The following C4BPA variants were observed in gnomAD, a reference collection of about 807,000 sequenced individuals.
The protein encoded by C4BPA is C4b-binding protein alpha chain.
Under a neutral mutation model 63.7 loss-of-function variants are expected in C4BPA, and 31 were observed. That is an observed-to-expected ratio of 0.49 (90% CI 0.37 to 0.66). The LOEUF (loss-of-function observed/expected upper bound fraction) is 0.66. Ranked by LOEUF, C4BPA falls within the 30% of genes least tolerant of loss-of-function variation. The pLI, the probability that C4BPA is intolerant of heterozygous loss-of-function variation, is 0.00. For missense variants in C4BPA, 572 were observed against 723.3 expected (o/e 0.79, Z 2.40); for synonymous variants, 259 against 254.7 (o/e 1.02, Z -0.16).
chr1:207,140,111 G>T lies in C4BPA; in HGVS notation c.1274-995G>T, dbSNP rs1238093709. On this transcript the variant is annotated intron_variant, in intron 9 of 11. Transcript: ENST00000367070. ...TGGTTGCATTTATTTAGCTTCTGAG[G>T]CATATGAGCAGCTTTCTGACTGCTA... is the stretch of plus-strand genomic sequence containing the variant. Among the ~76,000 whole-genome samples the T allele has an allele frequency of 2.0e-5, 3 of 152,098 alleles. No homozygotes were observed. In the South Asian group the frequency reaches 6.2e-4, roughly 31 times the overall value.
In C4BPA at chr1:207,126,759, T is replaced by C. The variant is rs997374620; in HGVS notation, c.753T>C (p.Ser251=). Residue 251 remains serine (S), a synonymous_variant, in exon 7 of 12, where the codon TCT becomes TCC. Coordinates refer to ENST00000367070, the MANE Select transcript of C4BPA (RefSeq NM_000715.4). ...KPDVSHGEMV[S]GFGPIYNYKD... ...ATGTTTCACATGGGGAAATGGTCTC[T>C]GGATTTGGACCCATCTATAATTACA... 4 of 1,611,620 alleles carry C rather than the reference T, an allele frequency of 2.5e-6. No individual in the cohort carries two copies. In the African/African-American group the frequency reaches 5.3e-5, roughly 22 times the overall value.
chr1:207,141,932 T>C (rs1685424130), intron 10 of C4BPA, among the ~76,000 whole-genome samples: 1 of 152,204 alleles, frequency 6.6e-6, no homozygotes, highest in African/African-American at 2.4e-5. Flanking sequence ...AAATTTTTTT[T>C]ATTATACTTT....
At chr1:207,113,193 T>A (rs1345551222) in intron 2 of C4BPA, 26 bp downstream of exon 2, 1 of 1,600,220 alleles carries the variant, frequency 6.2e-7, no homozygotes, top group East Asian at 2.3e-5. Context: ...CAAGCTCAAA[T>A]CAGCAACAAA....
intron 4 of C4BPA, among the ~76,000 whole-genome samples, chr1:207,118,224 T>TATCTATCTATCTA (rs1553256050): frequency 4.6e-5 from 7 of 151,126 alleles, no homozygotes; most frequent in African/African-American, 1.7e-4. Context: ...TCTATCTATC[T>TATCTATCTATCTA]ATCTATCTAT....
At chr1:207,114,391 A>G (rs1231636420) in intron 3 of C4BPA, 106 bp downstream of exon 3, 5 of 863,216 alleles carry the variant, frequency 5.8e-6, no homozygotes, top group Non-Finnish European at 8.8e-6. Context: ...CAGTTTGTCA[A>G]TTACTGATTT....
chr1:207,142,390 G>C (rs1250425956), intron 10 of C4BPA, among the ~76,000 whole-genome samples: 1 of 152,182 alleles, frequency 6.6e-6, no homozygotes, highest in East Asian at 1.9e-4. Context: ...ACGTGTGCAT[G>C]TGTCTTTATC....
intron 7 of C4BPA, 70 bp from the exon 8 acceptor site, chr1:207,131,476 G>C (rs1443821755): frequency 3.6e-6 from 4 of 1,096,774 alleles, no homozygotes; most frequent in Non-Finnish European, 5.4e-6. Flanking sequence ...GATAGGACAG[G>C]CTTATTGACT....
At chr1:207,120,104 A>G (rs1264133485) in intron 4 of C4BPA, among the ~76,000 whole-genome samples, 1 of 152,114 alleles carries the variant, frequency 6.6e-6, no homozygotes, top group Non-Finnish European at 1.5e-5. Context: ...GTGCAGAAGC[A>G]ATCTAATTTT....
At chr1:207,108,534 G>T (rs79514291) in intron 1 of C4BPA, among the ~76,000 whole-genome samples, 1 of 152,144 alleles carries the variant, frequency 6.6e-6, no homozygotes, top group Admixed American at 6.5e-5. Context: ...TTAGAAAGAC[G>T]TAATTTGAGC....
At chr1:207,116,198 C>G (rs543368319) in intron 4 of C4BPA, among the ~76,000 whole-genome samples, 1 of 152,294 alleles carries the variant, frequency 6.6e-6, no homozygotes, top group South Asian at 2.1e-4. Context: ...CTTTCGAAAA[C>G]TTGTCAAATT....
intron 4 of C4BPA, 104 bp from the exon 5 acceptor site, chr1:207,123,817 AT>A: frequency 1.5e-6 from 1 of 674,468 alleles, no homozygotes; most frequent in Non-Finnish European, 2.6e-6. Flanking sequence ...AGAACATATG[AT>A]TTCCTTATTT....
chr1:207,131,488 C>T, intron 7 of C4BPA, 58 bp from the exon 8 acceptor site: 2 of 1,249,728 alleles, frequency 1.6e-6, no homozygotes, highest in Non-Finnish European at 2.3e-6. Context: ...TTATTGACTG[C>T]TGTGGCAGCC....
At position 207,134,543 on chromosome 1, in the gene C4BPA, A is replaced by T; in HGVS notation, c.1224A>T (p.Ile408=). 6.2e-7 allele frequency: 1 copy of T among 1,613,934 alleles called. No homozygotes were observed. Among genetic ancestry groups the T allele is most frequent in the Non-Finnish European group, 8.5e-7 (1 of 1,179,764 alleles). ...ATGAGACCAGTAGGTTTTCAGCTAT[A>T]TGCCAAGGAGATGGCACGTGGAGTC... The part of the protein sequence containing the change: ...SCHETSRFSA[I]CQGDGTWSPR... The change falls in exon 9 of 12, where the codon ATA becomes ATT. Residue 408 remains isoleucine (I), a synonymous_variant. Transcript: ENST00000367070.
chr1:207,141,142 A>G lies in C4BPA; in HGVS notation c.1310A>G (p.Tyr437Cys). Residue 437 changes from tyrosine (Y) to cysteine (C), a missense_variant, in exon 10 of 12, where the codon TAT becomes TGT. Tyr to Cys is a radical substitution (Grantham distance 194, BLOSUM62 -2). Coordinates refer to ENST00000367070, the MANE Select transcript of C4BPA (RefSeq NM_000715.4). ...CCTCCTAAAATTGCCCATGGGCATT[A>G]TAAACAATCTAGTTCATACAGCTTT... ...NFPPKIAHGH[Y>C]KQSSSYSFFK... 6.2e-7 allele frequency: 1 copy of G among 1,612,902 alleles called. No individual in the cohort carries two copies. The highest frequency in any genetic ancestry group is 8.5e-7 in the Non-Finnish European group (1 of 1,179,524).
chr1:207,124,121 A>G lies in C4BPA; in HGVS notation c.515-54A>G, dbSNP rs2842706. The stretch of plus-strand genomic sequence containing the variant: ...CCATTAGAATTTGCATGAATTTTAG[A>G]TTTATCATGATGCCTTCGCTGAGTA... On this transcript the variant is annotated intron_variant, in intron 5 of 11. Transcript: ENST00000367070. 7.9e-3 allele frequency: 12,316 copies of G among 1,565,152 alleles called. 818 individuals carry two copies. In the African/African-American group the frequency reaches 0.14, roughly 18 times the overall value.
chr1:207,136,553 C>T (rs998491978), intron 9 of C4BPA, among the ~76,000 whole-genome samples: 3 of 152,144 alleles, frequency 2.0e-5, no homozygotes, highest in Non-Finnish European at 4.4e-5. Context: ...ATCCTTAGGC[C>T]ACTTTCTTTG....
chr1:207,118,559 C>T lies in C4BPA; in HGVS notation c.428+3044C>T, dbSNP rs545134714. On this transcript the variant is annotated intron_variant, in intron 4 of 11. Transcript: ENST00000367070. The stretch of plus-strand genomic sequence containing the variant: ...CTCATGAGAAACTCACTCACTATCA[C>T]GAGAATAGCATTGGGGTAACTGCCC... Among the ~76,000 whole-genome samples, 331 of 152,242 alleles carry T rather than the reference C, an allele frequency of 2.2e-3. 2 individuals are homozygous for T. The highest frequency in any genetic ancestry group is 3.5e-3 in the Non-Finnish European group (239 of 68,012).
rs1215951903 is a variant in C4BPA at position 207,141,174 on chromosome 1, G to T, written c.1342G>T (p.Glu448Ter). 1 of 1,613,650 alleles carries T rather than the reference G, an allele frequency of 6.2e-7. No homozygotes were observed. Among genetic ancestry groups the T allele is most frequent in the African/African-American group, 1.3e-5 (1 of 74,998 alleles). ...ATCTAGTTCATACAGCTTTTTCAAA[G>T]AAGAGATTATATATGAATGTGATAA... ...KQSSSYSFFK[E>*]EIIYECDKGY... Residue 448 changes from glutamate (E) to a stop codon, truncating the protein, a stop_gained, in exon 10 of 12, where the codon GAA becomes TAA. Transcript: ENST00000367070. LOFTEE classifies it high-confidence loss of function.
In C4BPA at chr1:207,141,025, C is replaced by T; in HGVS notation, c.1274-81C>T. On this transcript the variant is annotated intron_variant, in intron 9 of 11. Coordinates refer to ENST00000367070, the MANE Select transcript of C4BPA (RefSeq NM_000715.4). ...TAGAAGGACAGAATGAAGCCTCCTA[C>T]AAACTACATGTATTCTGCAATGTGC... The T allele has an allele frequency of 2.7e-6, 3 of 1,123,446 alleles. No individual in the cohort carries two copies. In the East Asian group the frequency reaches 7.6e-5, roughly 28 times the overall value. The allele number at this position is 1,123,446 out of a possible 1,614,324, so 69.6% of individuals were successfully genotyped here.
Sources: gnomAD v4.1 joint callset for allele counts (sites outside exome capture counted in the v4.1 genomes callset) on GRCh38, gnomAD v4.1.1 for gene constraint, MANE v1.5 for transcripts, NCBI Gene and HGNC (gene_info 2026-07-23, HGNC 2026-07-21) for gene names.